Variants in MACIR observed in about 807,000 individuals in gnomAD.
MACIR encodes the protein UNC119-binding protein C5orf30.
In MACIR, 4 loss-of-function variants were observed where a neutral mutation model predicts 14.3. That is an observed-to-expected ratio of 0.28 (90% CI 0.14 to 0.64). The LOEUF (loss-of-function observed/expected upper bound fraction) is 0.64. Among genes scored for constraint, MACIR ranks in the 30% least tolerant of loss-of-function variants. The pLI, the probability that MACIR is intolerant of heterozygous loss-of-function variation, is 0.83. For synonymous variants in MACIR, 101 were observed against 102.4 expected (o/e 0.99, Z 0.08); for missense variants, 228 against 257.6 (o/e 0.89, Z 0.79).
intron 2 of MACIR, among the ~76,000 whole-genome samples, chr5:103,273,389 C>T (rs1404691760): frequency 2.0e-5 from 3 of 151,866 alleles, no homozygotes; most frequent in African/African-American, 7.3e-5. Context: ...GGAAACTTAA[C>T]TGATGAGTTA....
At chr5:103,267,471 T>C (rs1423867736) in intron 2 of MACIR, among the ~76,000 whole-genome samples, 1 of 152,100 alleles carries the variant, frequency 6.6e-6, no homozygotes, top group Non-Finnish European at 1.5e-5. Context: ...GGAGACAGGG[T>C]TGACTGTATA....
chr5:103,268,887 TC>T (rs1554236910), intron 2 of MACIR, among the ~76,000 whole-genome samples: 1 of 152,016 alleles, frequency 6.6e-6, no homozygotes, highest in Admixed American at 6.6e-5. Flanking sequence ...AGGTGGATGT[TC>T]CAGGTAGGTT....
rs1805370905 is a variant in MACIR at position 103,277,233 on chromosome 5, G to T, written c.*693G>T. On this transcript the variant is annotated 3_prime_UTR_variant, in exon 3 of 3. Transcript: ENST00000319933. ...GTGTGTCTTAATAAAATTAAATTTG[G>T]GATACAAAGTATTTATTTTACAATG... 2 of 166,750 alleles carry T rather than the reference G, an allele frequency of 1.2e-5. No homozygotes were observed. Among genetic ancestry groups the T allele is most frequent in the South Asian group, 4.2e-4 (2 of 4,812 alleles). The allele number at this position is 166,750 out of a possible 1,614,324, so 10.3% of individuals were successfully genotyped here. A position where few individuals can be genotyped will look rare whatever the true frequency, so the allele number is the denominator to read the frequency against.
intron 2 of MACIR, among the ~76,000 whole-genome samples, chr5:103,270,824 G>T (rs138248850): frequency 6.6e-6 from 1 of 152,066 alleles, no homozygotes; most frequent in South Asian, 2.1e-4. Context: ...GCAATATCTG[G>T]ATGTATCTTG....
At chr5:103,260,986 T>A (rs2149919026) in intron 1 of MACIR, among the ~76,000 whole-genome samples, 1 of 152,356 alleles carries the variant, frequency 6.6e-6, no homozygotes, top group African/African-American at 2.4e-5. Flanking sequence ...TGACCTTTAG[T>A]TCCACTTACT....
Position 103,260,635 on chromosome 5 carries a change from T to C in MACIR, c.-114+1739T>C, listed in dbSNP as rs143740907. ...AGTAATTATTTCAGTGTATAAGATA[T>C]ATTTATTGATATTATATAACAGTCA... On this transcript the variant is annotated intron_variant, in intron 1 of 2. Coordinates refer to ENST00000319933, the MANE Select transcript of MACIR (RefSeq NM_033211.4). Among the ~76,000 whole-genome samples, 817 of 152,354 alleles carry C rather than the reference T, an allele frequency of 5.4e-3. 12 individuals are homozygous for C. The highest frequency in any genetic ancestry group is 0.019 in the African/African-American group (783 of 41,578).
At position 103,271,732 on chromosome 5, in the gene MACIR, C is replaced by G. The variant is rs782426416; in HGVS notation, c.-23-4165C>G. The stretch of plus-strand genomic sequence containing the variant: ...ATTGTTCCTGGTACTTTTTAAGAAG[C>G]TCAATTTCAAAAGCATTGTTCAATT... On this transcript the variant is annotated intron_variant, in intron 2 of 2. Coordinates refer to ENST00000319933, the MANE Select transcript of MACIR (RefSeq NM_033211.4). Among the ~76,000 whole-genome samples, 48 of 152,100 alleles carry G rather than the reference C, an allele frequency of 3.2e-4. 1 individual carries two copies. The highest frequency in any genetic ancestry group is 1.0e-4 in the Non-Finnish European group (7 of 67,982).
At chr5:103,274,821 A>G (rs550460105) in intron 2 of MACIR, among the ~76,000 whole-genome samples, 3 of 152,204 alleles carry the variant, frequency 2.0e-5, no homozygotes, top group Non-Finnish European at 4.4e-5. Flanking sequence ...CATTTTGATT[A>G]GCAATCTGAG....
intron 1 of MACIR, among the ~76,000 whole-genome samples, chr5:103,264,594 T>G (rs897492582): frequency 2.0e-4 from 31 of 152,166 alleles, no homozygotes; most frequent in African/African-American, 7.5e-4. Context: ...AGGCTTACTT[T>G]TCAAGATTTT....
chr5:103,259,874 C>G (rs1804610256), intron 1 of MACIR: 1 of 152,348 alleles, frequency 6.6e-6, no homozygotes, highest in South Asian at 2.1e-4. Flanking sequence ...CTGCCAAACT[C>G]TCTCTAGTGG....
rs1168267940 is a variant in MACIR, at chr5:103,261,709, T to TCTTC, written c.-114+2816_-114+2817insCCTT. Among the ~76,000 whole-genome samples the TCTTC allele has an allele frequency of 6.6e-3, 676 of 102,980 alleles. 26 individuals are homozygous for TCTTC. The highest frequency in any genetic ancestry group is 0.024 in the African/African-American group (624 of 26,312). 67.6% of individuals were successfully genotyped at this position (102,980 alleles called of 152,430 possible). On this transcript the variant is annotated intron_variant, in intron 1 of 2. Coordinates refer to ENST00000319933, the MANE Select transcript of MACIR (RefSeq NM_033211.4). ...TTCTTTCTTTCTTTCTTTCTTCCTT[T>TCTTC]CTTTCTTTCTTTCTTTCTTTTCTTT...
At chr5:103,268,018 C>G (rs1449819951) in intron 2 of MACIR, among the ~76,000 whole-genome samples, 1 of 152,162 alleles carries the variant, frequency 6.6e-6, no homozygotes, top group Non-Finnish European at 1.5e-5. Flanking sequence ...CCAGATTGTT[C>G]CACTTCATTG....
chr5:103,271,228 A>G (rs1805112467), intron 2 of MACIR, among the ~76,000 whole-genome samples: 1 of 152,180 alleles, frequency 6.6e-6, no homozygotes, highest in Non-Finnish European at 1.5e-5. Context: ...AATTCTTTCT[A>G]TACCATTTGT....
In MACIR at chr5:103,261,638, T is replaced by TTTTCTTTCTTTC. The variant is rs781826997; in HGVS notation, c.-114+2797_-114+2808dup. Reference sequence around the variant, plus strand: ...CTCTGAAAATACTACCTGTTTTTCTTTTTCTTTCTTTCTTTCTTTCTTTCT... The same window carrying TTTTCTTTCTTTC: ...CTCTGAAAATACTACCTGTTTTTCTTTTTCTTTCTTTCTTTCTTTCTTTCTTTCTTTCTTTCT... On this transcript the variant is annotated intron_variant, in intron 1 of 2. Coordinates refer to ENST00000319933, the MANE Select transcript of MACIR (RefSeq NM_033211.4). Among the ~76,000 whole-genome samples, 340 of 96,846 alleles carry TTTTCTTTCTTTC rather than the reference T, an allele frequency of 3.5e-3. 5 individuals are homozygous for TTTTCTTTCTTTC. Among genetic ancestry groups the TTTTCTTTCTTTC allele is most frequent in the Middle Eastern group, 5.6e-3 (1 of 178 alleles). 63.5% of individuals were successfully genotyped at this position (96,846 alleles called of 152,430 possible).
chr5:103,278,067 C>T lies in MACIR; in HGVS notation c.*1527C>T, dbSNP rs578247772. 7 of 167,048 alleles carry T rather than the reference C, an allele frequency of 4.2e-5. No individual in the cohort carries two copies. In the South Asian group the frequency reaches 8.3e-4, roughly 20 times the overall value. The allele number at this position is 167,048 out of a possible 1,614,324, so 10.3% of individuals were successfully genotyped here. On this transcript the variant is annotated 3_prime_UTR_variant, in exon 3 of 3. Transcript: ENST00000319933. The stretch of plus-strand genomic sequence containing the variant: ...ATTACACTTTCATTAAGGCAAACTA[C>T]GTGAAAGAGCCTTGGGGAAGTTGGC...
intron 2 of MACIR, among the ~76,000 whole-genome samples, chr5:103,273,366 G>A (rs782559591): frequency 6.6e-5 from 10 of 150,824 alleles, no homozygotes; most frequent in Non-Finnish European, 1.3e-4. Flanking sequence ...TTTTTATGGT[G>A]TTATTGGCTG....
intron 1 of MACIR, among the ~76,000 whole-genome samples, chr5:103,263,602 C>T (rs553632231): frequency 1.1e-4 from 16 of 152,170 alleles, no homozygotes; most frequent in African/African-American, 2.9e-4. Context: ...CATTTAAAAG[C>T]TTAAAAAGAA....
chr5:103,270,550 A>T (rs1040769664), intron 2 of MACIR, among the ~76,000 whole-genome samples: 26 of 152,316 alleles, frequency 1.7e-4, no homozygotes, highest in Non-Finnish European at 3.4e-4. Context: ...CATTGCTTTT[A>T]TCGGTTTCAA....
chr5:103,266,147 G>T (rs1385503120), intron 2 of MACIR, 150 bp downstream of exon 2: 1 of 152,096 alleles, frequency 6.6e-6, no homozygotes, highest in African/African-American at 2.4e-5. Context: ...TTGCAAATAT[G>T]TATACTATAA....
Sources: allele counts gnomAD v4.1 joint callset (sites outside exome capture counted in the v4.1 genomes callset), GRCh38; gene constraint gnomAD v4.1.1; transcripts MANE v1.5; gene names NCBI Gene and HGNC (gene_info 2026-07-23, HGNC 2026-07-21).